DMRTA1: variants seen among roughly 807,000 people sequenced by gnomAD.
DMRTA1 encodes DMRT like family A1, also known as doublesex- and mab-3-related transcription factor A1.
Under a neutral mutation model 35.2 loss-of-function variants are expected in DMRTA1, and 34 were observed. The ratio of observed to expected loss-of-function variants is 0.97; its 90% CI spans 0.74 to 1.29. The LOEUF is 1.29. Ranked by LOEUF, DMRTA1 falls within the 50% of genes most tolerant of loss-of-function variation. The pLI, the probability that DMRTA1 is intolerant of heterozygous loss-of-function variation, is 0.00. For synonymous variants in DMRTA1, 344 were observed against 276.6 expected, an observed-to-expected ratio of 1.24 and a Z score of -2.42; for missense variants, 824 against 644.6, an observed-to-expected ratio of 1.28 and a Z score of -3.01.
At chr9:22,448,086 T>G (rs1818868132) in intron 1 of DMRTA1, among the ~76,000 whole-genome samples, 1 of 152,146 alleles carries the variant, frequency 6.6e-6, no homozygotes, top group Non-Finnish European at 1.5e-5. Context: ...GCGAAAAGCT[T>G]CGTAAGAGGT....
chr9:22,447,054 A>T lies in DMRTA1; in HGVS notation c.-12A>T, dbSNP rs1334292542. 1.7e-5 allele frequency: 27 copies of T among 1,605,350 alleles called. No homozygotes were observed. The highest frequency in any genetic ancestry group is 2.0e-5 in the Non-Finnish European group (24 of 1,176,692). On this transcript the variant is annotated 5_prime_UTR_variant, in exon 1 of 2. Transcript: ENST00000325870. ...TTTCCACTTGGGACTCCCGGCCAGA[A>T]ATTTCTCGGGAATGGAGCGGTCACA...
chr9:22,447,203 G>C lies in DMRTA1; in HGVS notation c.138G>C (p.Ala46=). The stretch of plus-strand genomic sequence containing the variant: ...CATCGGGGATGCAGGTTCCCCCAGC[G>C]TTCCTGCGGCCGCCCAGCCTCTTTC... ...PVPSGMQVPP[A]FLRPPSLFLR... The change falls in exon 1 of 2, where the codon GCG becomes GCC. Residue 46 remains alanine (A), a synonymous_variant. Coordinates refer to ENST00000325870, the MANE Select transcript of DMRTA1 (RefSeq NM_022160.3). 1.3e-6 allele frequency: 2 copies of C among 1,583,790 alleles called. No homozygotes were observed. The highest frequency in any genetic ancestry group is 1.7e-6 in the Non-Finnish European group (2 of 1,168,364).
intron 1 of DMRTA1, among the ~76,000 whole-genome samples, chr9:22,449,407 A>G (rs1031432112): frequency 6.6e-6 from 1 of 152,178 alleles, no homozygotes. Context: ...AGACAGAGAG[A>G]CGATATAAGT....
Position 22,447,245 on chromosome 9 carries a change from G to T in DMRTA1, c.180G>T (p.Ala60=). ...PPSLFLRAAA[A]AAAAAAATSG... is the part of the protein sequence containing the mutation. ...GCCTCTTTCTGCGAGCAGCGGCCGC[G>T]GCCGCCGCCGCCGCTGCCGCCACCT... Residue 60 remains alanine, a synonymous_variant, in exon 1 of 2, where the codon GCG becomes GCT. Coordinates refer to ENST00000325870, the MANE Select transcript of DMRTA1 (RefSeq NM_022160.3). 1.3e-6 allele frequency: 2 copies of T among 1,505,360 alleles called. No individual in the cohort carries two copies. The highest frequency in any genetic ancestry group is 2.4e-5 in the Admixed American group (1 of 41,416). 93.3% of individuals were successfully genotyped at this position (1,505,360 alleles called of 1,614,324 possible).
At position 22,446,942 on chromosome 9, in the gene DMRTA1, C is replaced by T. The variant is rs141435104; in HGVS notation, c.-124C>T. 1,776 of 1,252,470 alleles carry T rather than the reference C, an allele frequency of 1.4e-3. 18 individuals carry two copies. In the African/African-American group the frequency reaches 0.024, roughly 17 times the overall value. The allele number at this position is 1,252,470 out of a possible 1,614,324, so 77.6% of individuals were successfully genotyped here. ...GTGGAAAGAGTGTAAAACTTTTGTC[C>T]GTGCGCGGGTGGAGCTCAGTAGGAC... On this transcript the variant is annotated 5_prime_UTR_variant, in exon 1 of 2. Transcript: ENST00000325870.
chr9:22,451,105 G>A lies in DMRTA1; in HGVS notation c.709G>A (p.Glu237Lys). The A allele has an allele frequency of 6.2e-7, 1 of 1,613,684 alleles. No individual in the cohort carries two copies. Among genetic ancestry groups the A allele is most frequent in the Non-Finnish European group, 8.5e-7 (1 of 1,179,864 alleles). The change falls in exon 2 of 2, where the codon GAA becomes AAA. Residue 237 changes from glutamate to lysine, a missense_variant. Glu to Lys is a moderately conservative substitution (Grantham distance 56). Transcript: ENST00000325870. ...ATGTGAGTCATGCCAGAATGGACAAGAAGAACTGATCTCCAAATCCCATCA... is the reference window on the plus strand; with the variant it reads ...ATGTGAGTCATGCCAGAATGGACAAAAAGAACTGATCTCCAAATCCCATCA... ...SKCESCQNGQ[E>K]ELISKSHQLY...
chr9:22,450,018 C>G (rs934887112), intron 1 of DMRTA1, among the ~76,000 whole-genome samples: 3 of 152,090 alleles, frequency 2.0e-5, no homozygotes, highest in Non-Finnish European at 4.4e-5. Flanking sequence ...CTATATATCT[C>G]TAGGGTAATA....
chr9:22,447,685 C>T lies in DMRTA1; in HGVS notation c.620C>T (p.Thr207Ile), dbSNP rs1030850634. The T allele has an allele frequency of 1.2e-6, 2 of 1,612,932 alleles. No homozygotes were observed. Among genetic ancestry groups the T allele is most frequent in the South Asian group, 1.1e-5 (1 of 91,070 alleles). ...GALRQASGSA[T>I]PAFEVFQQDY... Reference sequence around the variant, plus strand: ...TTGAGACAGGCCAGTGGTTCCGCGACCCCCGCTTTCGAAGTTTTCCAGCAA... The same window carrying T: ...TTGAGACAGGCCAGTGGTTCCGCGATCCCCGCTTTCGAAGTTTTCCAGCAA... Residue 207 changes from threonine to isoleucine, a missense_variant, in exon 1 of 2, where the codon ACC becomes ATC. Transcript: ENST00000325870.
chr9:22,452,652 A>G lies in DMRTA1; in HGVS notation c.*741A>G, dbSNP rs961224837. 8 of 152,126 alleles carry G rather than the reference A, an allele frequency of 5.3e-5. No individual in the cohort carries two copies. Among genetic ancestry groups the G allele is most frequent in the African/African-American group, 1.7e-4 (7 of 41,440 alleles). 9.4% of individuals were successfully genotyped at this position (152,126 alleles called of 1,614,324 possible). On this transcript the variant is annotated 3_prime_UTR_variant, in exon 2 of 2. Coordinates refer to ENST00000325870, the MANE Select transcript of DMRTA1 (RefSeq NM_022160.3). The stretch of plus-strand genomic sequence containing the variant: ...ATTGCAACTGAGCTCTGTAGAGTAT[A>G]TGAATTAGAAACATTGATTCCGGAG...
chr9:22,448,741 C>G (rs1035973901), intron 1 of DMRTA1, among the ~76,000 whole-genome samples: 1 of 152,042 alleles, frequency 6.6e-6, no homozygotes, highest in African/African-American at 2.4e-5. Context: ...CAGATTTTTT[C>G]GCTCAATGGC....
In DMRTA1 at chr9:22,452,464, G is replaced by C. The variant is rs1369496663; in HGVS notation, c.*553G>C. On this transcript the variant is annotated 3_prime_UTR_variant, in exon 2 of 2. Transcript: ENST00000325870. ...GTGATTCGTAATAAATAAAACATTT[G>C]AGCATTTTGAATTTATATTTCCTGA... The C allele has an allele frequency of 1.3e-5, 2 of 152,122 alleles. No homozygotes were observed. Among genetic ancestry groups the C allele is most frequent in the East Asian group, 3.8e-4 (2 of 5,198 alleles). 9.4% of individuals were successfully genotyped at this position (152,122 alleles called of 1,614,324 possible).
At chr9:22,449,627 T>C (rs1044279824) in intron 1 of DMRTA1, among the ~76,000 whole-genome samples, 1 of 152,148 alleles carries the variant, frequency 6.6e-6, no homozygotes, top group South Asian at 2.1e-4. Flanking sequence ...GGACTAATGC[T>C]AATCTATTTC....
Position 22,451,278 on chromosome 9 carries a change from C to G in DMRTA1, c.882C>G (p.Ser294=). 1.2e-6 allele frequency: 2 copies of G among 1,614,074 alleles called. No homozygotes were observed. The highest frequency in any genetic ancestry group is 1.7e-6 in the Non-Finnish European group (2 of 1,179,970). ...EQSGGEESPR[S]LSSSDLESGN... ...CAGGAGGTGAAGAGAGTCCCAGGTC[C>G]TTATCATCCTCTGATCTGGAATCAG... is the stretch of plus-strand genomic sequence containing the variant. The change falls in exon 2 of 2, where the codon TCC becomes TCG. Residue 294 remains serine, a synonymous_variant. Coordinates refer to ENST00000325870, the MANE Select transcript of DMRTA1 (RefSeq NM_022160.3).
At chr9:22,450,930 G>A (rs1353218737) in intron 1 of DMRTA1, 134 bp from the exon 2 acceptor site, 14 of 923,028 alleles carry the variant, frequency 1.5e-5, no homozygotes, top group Middle Eastern at 3.2e-4. Flanking sequence ...TCATTAAAAT[G>A]TCTTGGAGTG....
chr9:22,452,027 G>T lies in DMRTA1; in HGVS notation c.*116G>T, dbSNP rs966947067. The T allele has an allele frequency of 5.2e-6, 6 of 1,146,762 alleles. No individual in the cohort carries two copies. The highest frequency in any genetic ancestry group is 2.8e-5 in the Admixed American group (1 of 35,518). 71.0% of individuals were successfully genotyped at this position (1,146,762 alleles called of 1,614,324 possible). ...AGTAAGTATGTGAGTGGATTATGAGGTCTTAAAATGCTGGGTTTTTTTTTT... is the reference window on the plus strand; with the variant it reads ...AGTAAGTATGTGAGTGGATTATGAGTTCTTAAAATGCTGGGTTTTTTTTTT... On this transcript the variant is annotated 3_prime_UTR_variant, in exon 2 of 2. Coordinates refer to ENST00000325870, the MANE Select transcript of DMRTA1 (RefSeq NM_022160.3).
At position 22,447,539 on chromosome 9, in the gene DMRTA1, G is replaced by C. The variant is rs1345088571; in HGVS notation, c.474G>C (p.Arg158Ser). 5 of 1,584,694 alleles carry C rather than the reference G, an allele frequency of 3.2e-6. No homozygotes were observed. The African/African-American group carries it at 5.4e-5, about 17-fold the overall frequency. ...QEESEARGLQRLLCSGLSWPP... is the reference protein window; with the variant it reads ...QEESEARGLQSLLCSGLSWPP... ...AGAGCGAAGCCCGGGGGCTACAGAG[G>C]CTCCTGTGCTCGGGGCTCTCCTGGC... Residue 158 changes from arginine to serine, a missense_variant, in exon 1 of 2, where the codon AGG becomes AGC. Coordinates refer to ENST00000325870, the MANE Select transcript of DMRTA1 (RefSeq NM_022160.3).
chr9:22,451,451 G>T lies in DMRTA1; in HGVS notation c.1055G>T (p.Cys352Phe). Residue 352 changes from cysteine (C) to phenylalanine (F), a missense_variant, in exon 2 of 2, where the codon TGC (cysteine) becomes TTC (phenylalanine). Coordinates refer to ENST00000325870, the MANE Select transcript of DMRTA1 (RefSeq NM_022160.3). ...CGGCTAGAAGGCATTCTACGGTTCTGCAAAGGGGATGTGGTCCAAGCCATT... is the reference window on the plus strand; with the variant it reads ...CGGCTAGAAGGCATTCTACGGTTCTTCAAAGGGGATGTGGTCCAAGCCATT... ...RSRLEGILRF[C>F]KGDVVQAIEQ... 1 of 1,614,180 alleles carries T rather than the reference G, an allele frequency of 6.2e-7. No homozygotes were observed. Among genetic ancestry groups the T allele is most frequent in the Admixed American group, 1.7e-5 (1 of 60,032 alleles).
At position 22,454,549 on chromosome 9, in the gene DMRTA1, T is replaced by C. The variant is rs1169373005; in HGVS notation, c.*2638T>C. 2 of 152,166 alleles carry C rather than the reference T, an allele frequency of 1.3e-5. No individual in the cohort carries two copies. Among genetic ancestry groups the C allele is most frequent in the Non-Finnish European group, 1.5e-5 (1 of 68,002 alleles). 9.4% of individuals were successfully genotyped at this position (152,166 alleles called of 1,614,324 possible). On this transcript the variant is annotated 3_prime_UTR_variant, in exon 2 of 2. Transcript: ENST00000325870. ...ACAAAAACAACCAATCAACCAATGT[T>C]GGTATTATTTGACAGTGTTGGTACA...
chr9:22,451,042 T>A (rs773007196), intron 1 of DMRTA1, 22 bp from the exon 2 acceptor site: 1 of 1,592,160 alleles, frequency 6.3e-7, no homozygotes, highest in Non-Finnish European at 8.5e-7. Flanking sequence ...GTATTTGATT[T>A]TTTTTTCCCC....
Sources: allele counts gnomAD v4.1 joint callset (sites outside exome capture counted in the v4.1 genomes callset), GRCh38; gene constraint gnomAD v4.1.1; transcripts MANE v1.5; gene names NCBI Gene and HGNC (gene_info 2026-07-23, HGNC 2026-07-21).